The following KANSL1L variants were observed in gnomAD, a reference collection of about 807,000 sequenced individuals.
The protein encoded by KANSL1L is KAT8 regulatory NSL complex subunit 1 like.
A neutral mutation model predicts 108.6 loss-of-function variants in KANSL1L; 25 were observed. The observed-to-expected ratio is 0.23, with a 90% CI of 0.17 to 0.32. KANSL1L has a LOEUF of 0.32. KANSL1L is among the 10% of genes least tolerant of loss of function. The pLI is 1.00. For synonymous variants in KANSL1L, 405 were observed against 395.1 expected (o/e 1.03, Z -0.30); for missense variants, 1,137 against 1,125.7 (o/e 1.01, Z -0.14).
intron 5 of KANSL1L, among the ~76,000 whole-genome samples, chr2:210,095,304 G>A (rs182151184): frequency 1.3e-5 from 2 of 152,098 alleles, no homozygotes; most frequent in Non-Finnish European, 2.9e-5. Flanking sequence ...CAGTGGCCTT[G>A]AAGGGTAATC....
intron 2 of KANSL1L, among the ~76,000 whole-genome samples, chr2:210,136,539 A>G (rs941958563): frequency 2.0e-5 from 3 of 152,216 alleles, no homozygotes; most frequent in African/African-American, 2.4e-5. Flanking sequence ...TCACTGTTCA[A>G]TAAGCATTGT....
At chr2:210,078,413 T>C (rs1300979321) in intron 5 of KANSL1L, among the ~76,000 whole-genome samples, 1 of 152,216 alleles carries the variant, frequency 6.6e-6, no homozygotes, top group Non-Finnish European at 1.5e-5. Flanking sequence ...TATGTTCCCA[T>C]CTGCAGGCAA....
intron 6 of KANSL1L, among the ~76,000 whole-genome samples, chr2:210,071,228 G>A (rs2094505587): frequency 6.6e-6 from 1 of 151,836 alleles, no homozygotes. Flanking sequence ...CATCCTGTAT[G>A]CATGCATCTG....
intron 2 of KANSL1L, among the ~76,000 whole-genome samples, chr2:210,142,725 T>G (rs1398675478): frequency 1.2e-4 from 18 of 152,164 alleles, no homozygotes; most frequent in Admixed American, 1.2e-3. Context: ...CATTAATCCA[T>G]TGGCTTTTCT....
chr2:210,133,103 G>T (rs181311158), intron 2 of KANSL1L, among the ~76,000 whole-genome samples: 1 of 152,128 alleles, frequency 6.6e-6, no homozygotes, highest in East Asian at 1.9e-4. Flanking sequence ...TCATAATACA[G>T]TCATCCCTTA....
At chr2:210,070,855 A>AT (rs2094502644) in intron 6 of KANSL1L, among the ~76,000 whole-genome samples, 1 of 152,106 alleles carries the variant, frequency 6.6e-6, no homozygotes, top group Non-Finnish European at 1.5e-5. Context: ...CACAATAAAA[A>AT]TTTTTTTAAA....
chr2:210,149,901 A>G (rs2095290349), intron 2 of KANSL1L, among the ~76,000 whole-genome samples: 1 of 151,102 alleles, frequency 6.6e-6, no homozygotes, highest in Non-Finnish European at 1.5e-5. Flanking sequence ...TTAAAGAAAA[A>G]CCAAAAAAAA....
intron 5 of KANSL1L, among the ~76,000 whole-genome samples, chr2:210,081,708 A>G (rs972410212): frequency 2.6e-5 from 4 of 152,190 alleles, no homozygotes; most frequent in African/African-American, 9.7e-5. Context: ...GTACATACAC[A>G]TATGTTGTCA....
intron 6 of KANSL1L, among the ~76,000 whole-genome samples, chr2:210,073,709 G>T (rs897771560): frequency 1.3e-5 from 2 of 151,570 alleles, no homozygotes; most frequent in African/African-American, 4.8e-5. Context: ...AAAAAAGAAA[G>T]TTCTATGGGA....
chr2:210,106,847 C>A (rs186414788), intron 3 of KANSL1L, among the ~76,000 whole-genome samples: 2 of 151,992 alleles, frequency 1.3e-5, no homozygotes, highest in South Asian at 2.1e-4. Context: ...TAAACTACTA[C>A]CCTGGACAAA....
intron 1 of KANSL1L, among the ~76,000 whole-genome samples, chr2:210,164,092 T>C (rs114442313): frequency 0.014 from 2,083 of 152,276 alleles, 23 homozygotes; most frequent in Middle Eastern, 0.054. Flanking sequence ...ACTAGACATA[T>C]TTTTAAAAGA....
intron 6 of KANSL1L, among the ~76,000 whole-genome samples, chr2:210,062,182 T>C (rs1250920699): frequency 6.6e-6 from 1 of 152,204 alleles, no homozygotes; most frequent in Non-Finnish European, 1.5e-5. Flanking sequence ...GTTCTTGTGA[T>C]AGTGAATAAG....
At chr2:210,096,709 A>G (rs1319242601) in intron 5 of KANSL1L, 2 of 959,978 alleles carry the variant, frequency 2.1e-6, no homozygotes, top group Non-Finnish European at 2.5e-6. Context: ...TGAAAATATC[A>G]TAGTTATCCT....
chr2:210,161,409 T>G (rs1263500826), intron 1 of KANSL1L, among the ~76,000 whole-genome samples: 1 of 152,222 alleles, frequency 6.6e-6, no homozygotes, highest in Admixed American at 6.5e-5. Flanking sequence ...ACGTATTTCA[T>G]ACCTTATATA....
chr2:210,108,402 G>A (rs1168648707), intron 3 of KANSL1L, among the ~76,000 whole-genome samples: 1 of 152,150 alleles, frequency 6.6e-6, no homozygotes, highest in East Asian at 1.9e-4. Context: ...TCCAGTAGAT[G>A]TTGCAATCAA....
intron 2 of KANSL1L, among the ~76,000 whole-genome samples, chr2:210,148,031 C>T (rs547697557): frequency 1.8e-4 from 27 of 152,238 alleles, no homozygotes; most frequent in African/African-American, 6.3e-4. Flanking sequence ...TTGGTGAATG[C>T]CTTAATCTGT....
chr2:210,159,878 A>C (rs2095352536), intron 1 of KANSL1L, among the ~76,000 whole-genome samples: 1 of 152,176 alleles, frequency 6.6e-6, no homozygotes, highest in Non-Finnish European at 1.5e-5. Context: ...TACTAAAAAT[A>C]CAAAAAAAAT....
At chr2:210,107,084 G>A (rs909174149) in intron 3 of KANSL1L, among the ~76,000 whole-genome samples, 1 of 152,130 alleles carries the variant, frequency 6.6e-6, no homozygotes, top group Non-Finnish European at 1.5e-5. Context: ...CAAAACTCTA[G>A]CATAAGATGA....
chr2:210,103,248 A>G (rs2125428825), intron 4 of KANSL1L, among the ~76,000 whole-genome samples: 1 of 148,784 alleles, frequency 6.7e-6, no homozygotes, highest in Non-Finnish European at 1.5e-5. Flanking sequence ...ATTCTCACTC[A>G]TAGGTGGGAA....
Sources: allele counts gnomAD v4.1 joint callset (sites outside exome capture counted in the v4.1 genomes callset), GRCh38; gene constraint gnomAD v4.1.1; transcripts MANE v1.5; gene names NCBI Gene and HGNC (gene_info 2026-07-23, HGNC 2026-07-21).